Variants in UBE2F observed in about 807,000 individuals in gnomAD.
UBE2F encodes NEDD8-conjugating enzyme UBE2F.
UBE2F carries 5 observed loss-of-function variants against 29.6 expected under a neutral mutation model. That is an observed-to-expected ratio of 0.17 (90% CI 0.09 to 0.36). UBE2F has a LOEUF of 0.36. Ranked by LOEUF, UBE2F falls within the 10% of genes least tolerant of loss-of-function variation. UBE2F has a pLI of 1.00. For missense variants in UBE2F, 141 were observed against 228.5 expected (o/e 0.62, Z 2.47); for synonymous variants, 66 against 81.8 (o/e 0.81, Z 1.04).
At chr2:237,971,928 T>A (rs1009607974) in intron 1 of UBE2F, among the ~76,000 whole-genome samples, 3 of 152,202 alleles carry the variant, frequency 2.0e-5, no homozygotes, top group Non-Finnish European at 4.4e-5. Context: ...AATTTTACTG[T>A]ATACTTAAAA....
Position 238,005,761 on chromosome 2 carries a change from C to T in UBE2F, c.215-10805C>T, listed in dbSNP as rs533176525. Among the ~76,000 whole-genome samples the T allele has an allele frequency of 4.0e-4, 61 of 152,128 alleles. 1 individual carries two copies. Among genetic ancestry groups the T allele is most frequent in the Middle Eastern group, 6.8e-3 (2 of 294 alleles). ...CTCTGTTCCATTCCATTGTTCTGCA[C>T]GTCTACACTTGTACAAATACTACTG... On this transcript the variant is annotated intron_variant, in intron 4 of 9. Transcript: ENST00000272930.
intron 8 of UBE2F, chr2:238,032,779 A>T (rs1201745653): frequency 6.5e-6 from 1 of 152,964 alleles, no homozygotes; most frequent in Non-Finnish European, 1.5e-5. Context: ...AAAAAATAAT[A>T]AATTAAAAAA....
chr2:237,975,466 A>G (rs932653812), intron 2 of UBE2F, among the ~76,000 whole-genome samples: 1 of 152,190 alleles, frequency 6.6e-6, no homozygotes, highest in Non-Finnish European at 1.5e-5. Flanking sequence ...TGATTAGTGT[A>G]TTCGAACTCC....
In UBE2F at chr2:238,042,660, T is replaced by C. The variant is rs2064854669; in HGVS notation, c.*1322T>C. 6.6e-6 allele frequency: 1 copy of C among 152,266 alleles called. No individual in the cohort carries two copies. The highest frequency in any genetic ancestry group is 6.5e-5 in the Admixed American group (1 of 15,286). 9.4% of individuals were successfully genotyped at this position (152,266 alleles called of 1,614,324 possible). ...TTCCTTAGACCTCTGGATTCCCCCA[T>C]CTGCCATCTACTGGGTTTAGTTTGT... On this transcript the variant is annotated 3_prime_UTR_variant, in exon 10 of 10. Coordinates refer to ENST00000272930, the MANE Select transcript of UBE2F (RefSeq NM_080678.3).
At chr2:238,003,145 A>G (rs1225661197) in intron 4 of UBE2F, among the ~76,000 whole-genome samples, 3 of 152,068 alleles carry the variant, frequency 2.0e-5, no homozygotes, top group Non-Finnish European at 4.4e-5. Context: ...TTTTAATTTT[A>G]GTATGGAGAT....
chr2:238,036,272 A>G (rs1302556171), intron 9 of UBE2F, among the ~76,000 whole-genome samples: 1 of 152,160 alleles, frequency 6.6e-6, no homozygotes, highest in African/African-American at 2.4e-5. Context: ...TTCTGGGCTC[A>G]AGTGATCCTC....
intron 9 of UBE2F, among the ~76,000 whole-genome samples, chr2:238,036,585 C>T (rs150986841): frequency 5.3e-5 from 8 of 152,188 alleles, no homozygotes; most frequent in Non-Finnish European, 1.2e-4. Context: ...CCTGTAATCC[C>T]AGCCTTTGGG....
chr2:238,002,109 G>T (rs1224818397), intron 4 of UBE2F, among the ~76,000 whole-genome samples: 2 of 136,346 alleles, frequency 1.5e-5, no homozygotes, highest in Non-Finnish European at 3.1e-5. Context: ...TGTTGCCCAG[G>T]CTGGAGTGCA....
At chr2:238,025,249 G>A in intron 5 of UBE2F, 93 bp from the exon 6 acceptor site, 1 of 1,063,882 alleles carries the variant, frequency 9.4e-7, no homozygotes, top group Non-Finnish European at 1.4e-6. Flanking sequence ...CATGAAACAA[G>A]CGTCTAGATA....
rs746641515 is a variant in UBE2F at position 238,032,196 on chromosome 2, GT to G, written c.412-22del. The G allele has an allele frequency of 7.5e-6, 12 of 1,607,768 alleles. No individual in the cohort carries two copies. The East Asian group carries it at 2.5e-4, about 33-fold the overall frequency. On this transcript the variant is annotated intron_variant, in intron 7 of 9. Coordinates refer to ENST00000272930, the MANE Select transcript of UBE2F (RefSeq NM_080678.3). Reference sequence around the variant, plus strand: ...CTAGGTGCACTTTGGCTTAAAACTTGTTTTCTGTTTTCTTTTTTATTTCAGG... The same window carrying G: ...CTAGGTGCACTTTGGCTTAAAACTTGTTTCTGTTTTCTTTTTTATTTCAGG...
intron 5 of UBE2F, 51 bp from the exon 6 acceptor site, chr2:238,025,291 T>C: frequency 6.6e-7 from 1 of 1,510,954 alleles, no homozygotes; most frequent in South Asian, 1.1e-5. Flanking sequence ...CCTGGAGATG[T>C]GATTTGCAGA....
chr2:238,031,492 A>T (rs1249949290), intron 7 of UBE2F, among the ~76,000 whole-genome samples: 1 of 152,156 alleles, frequency 6.6e-6, no homozygotes, highest in Non-Finnish European at 1.5e-5. Flanking sequence ...AAGGTCAGGG[A>T]TGGGTGGGTG....
chr2:237,989,927 T>C (rs1003251692), intron 3 of UBE2F, among the ~76,000 whole-genome samples: 4 of 151,750 alleles, frequency 2.6e-5, no homozygotes, highest in Non-Finnish European at 5.9e-5. Context: ...GAGACCAGCT[T>C]GGTCAACATG....
chr2:238,035,782 G>C, intron 8 of UBE2F, 96 bp from the exon 9 acceptor site: 2 of 975,088 alleles, frequency 2.1e-6, no homozygotes, highest in Non-Finnish European at 3.1e-6. Context: ...TCTGCCATTT[G>C]CTAATTAGAC....
intron 4 of UBE2F, among the ~76,000 whole-genome samples, chr2:238,014,927 C>G (rs1482258332): frequency 6.6e-6 from 1 of 152,038 alleles, no homozygotes; most frequent in Non-Finnish European, 1.5e-5. Context: ...TACTGCCAGT[C>G]AGAAATCCAA....
At chr2:238,004,708 C>CT (rs1037870481) in intron 4 of UBE2F, among the ~76,000 whole-genome samples, 6 of 151,984 alleles carry the variant, frequency 3.9e-5, no homozygotes, top group Non-Finnish European at 8.8e-5. Context: ...ATTAAGATTG[C>CT]TAGTCATCTG....
At position 237,967,126 on chromosome 2, in the gene UBE2F, A is replaced by G; in HGVS notation, c.-23A>G. On this transcript the variant is annotated 5_prime_UTR_variant, in exon 1 of 10. Coordinates refer to ENST00000272930, the MANE Select transcript of UBE2F (RefSeq NM_080678.3). This position sits in a 1 kb window ranked among gnomAD's most constrained non-coding sequence, Gnocchi z 6.3. ...CGGGCCCGCCTCGCCTGTCTCGGGG[A>G]GCCCAGGTGAGGAGCGACCGTGCGG... 1 of 1,325,878 alleles carries G rather than the reference A, an allele frequency of 7.5e-7. No individual in the cohort carries two copies. Among genetic ancestry groups the G allele is most frequent in the Non-Finnish European group, 9.7e-7 (1 of 1,033,964 alleles). 82.1% of individuals were successfully genotyped at this position (1,325,878 alleles called of 1,614,324 possible).
In UBE2F at chr2:238,019,792, T is replaced by C. The variant is rs568243923; in HGVS notation, c.282+3159T>C. 2.0e-5 allele frequency among the ~76,000 whole-genome samples: 3 copies of C among 151,926 alleles called. No individual in the cohort carries two copies. The South Asian group carries it at 6.3e-4, about 32-fold the overall frequency. ...CTCCTGCCTCAGCCTCCGGAGTAGC[T>C]GGGATTACAGGTGCCTGCCACCACA... is the stretch of plus-strand genomic sequence containing the variant. On this transcript the variant is annotated intron_variant, in intron 5 of 9. Transcript: ENST00000272930.
chr2:238,024,708 A>C, intron 5 of UBE2F, among the ~76,000 whole-genome samples: 1 of 152,196 alleles, frequency 6.6e-6, no homozygotes, highest in East Asian at 1.9e-4. Flanking sequence ...GAAAAATCTT[A>C]AAAGAACTTT....
Sources: allele counts gnomAD v4.1 joint callset (sites outside exome capture counted in the v4.1 genomes callset), GRCh38; gene constraint gnomAD v4.1.1; non-coding constraint Gnocchi (gnomAD v3.1); transcripts MANE v1.5; gene names NCBI Gene and HGNC (gene_info 2026-07-23, HGNC 2026-07-21).